The following RTL4 variants were observed in gnomAD, a reference collection of about 807,000 sequenced individuals.
RTL4 encodes the protein retrotransposon Gag-like protein 4.
Under a neutral mutation model 5.3 loss-of-function variants are expected in RTL4, and 4 were observed. The ratio of observed to expected loss-of-function variants is 0.75; its 90% confidence interval spans 0.37 to 1.72. The LOEUF (loss-of-function observed/expected upper bound fraction) is 1.72. Among genes scored for constraint, RTL4 ranks in the 40% most tolerant of loss-of-function variants. The pLI is 0.04. For missense variants in RTL4, 260 were observed against 227.1 expected, an observed-to-expected ratio of 1.14 and a Z score of -0.93; for synonymous variants, 98 against 87.3, an observed-to-expected ratio of 1.12 and a Z score of -0.68.
At chrX:112,298,721 A>G in the RTL4 span, among the ~76,000 whole-genome samples, 1 of 112,797 alleles carries the variant, frequency 8.9e-6, no homozygotes, top group East Asian at 2.8e-4. Context: ...CCCCAGTGAC[A>G]GTGTGCAAAC....
chrX:112,361,141 G>T, the RTL4 span, among the ~76,000 whole-genome samples: 2 of 110,967 alleles, frequency 1.8e-5, no homozygotes, highest in Non-Finnish European at 3.8e-5. Context: ...ATTTGCCTGA[G>T]AAGTTATTTT....
the RTL4 span, among the ~76,000 whole-genome samples, chrX:112,282,768 C>T: frequency 8.1e-5 from 9 of 110,788 alleles, no homozygotes; most frequent in Non-Finnish European, 1.5e-4. Context: ...ATTGTTTTCT[C>T]AATTTATTTT....
chrX:112,169,008 CTT>C, the RTL4 span, among the ~76,000 whole-genome samples: 1 of 74,736 alleles, frequency 1.3e-5, no homozygotes, highest in Non-Finnish European at 2.6e-5. Flanking sequence ...TCTTTCCTTT[CTT>C]TCTTTCTTTC....
chrX:112,328,707 T>G, the RTL4 span, among the ~76,000 whole-genome samples: 1 of 111,804 alleles, frequency 8.9e-6, no homozygotes, highest in South Asian at 3.8e-4. Context: ...GAATATACAT[T>G]TTTTTCAGCA....
the RTL4 span, among the ~76,000 whole-genome samples, chrX:112,196,732 G>T: frequency 4.5e-5 from 5 of 111,340 alleles, no homozygotes; most frequent in East Asian, 2.8e-4. Flanking sequence ...GATGACTAAT[G>T]ACATTAAACA....
the RTL4 span, among the ~76,000 whole-genome samples, chrX:112,281,082 T>C: frequency 3.6e-5 from 4 of 111,575 alleles, no homozygotes; most frequent in African/African-American, 1.3e-4. Context: ...ATTTTTATAA[T>C]AGATTTCTTA....
At chrX:112,123,726 A>G in the RTL4 span, among the ~76,000 whole-genome samples, 2 of 112,053 alleles carry the variant, frequency 1.8e-5, no homozygotes, top group Non-Finnish European at 3.8e-5. Flanking sequence ...GCCTTGTAGT[A>G]TAGCTTGAAG....
the RTL4 span, among the ~76,000 whole-genome samples, chrX:112,209,145 G>T: frequency 8.9e-6 from 1 of 112,171 alleles, no homozygotes; most frequent in Non-Finnish European, 1.9e-5. Flanking sequence ...CCTCTGCTGA[G>T]GTCATCCGTT....
chrX:112,443,298 G>A, the RTL4 span, among the ~76,000 whole-genome samples: 2 of 111,943 alleles, frequency 1.8e-5, no homozygotes, highest in African/African-American at 6.5e-5. Flanking sequence ...ACTCCATTGT[G>A]TATAAGTACC....
At chrX:112,449,564 T>TTCAG (rs1926698648), upstream of RTL4, among the ~76,000 whole-genome samples, 2 of 111,891 alleles carry the variant, frequency 1.8e-5, no homozygotes, top group South Asian at 7.5e-4. Flanking sequence ...GGAGATCAAA[T>TTCAG]TCAGACCCAC....
the RTL4 span, among the ~76,000 whole-genome samples, chrX:112,384,268 A>G: frequency 1.8e-5 from 2 of 112,422 alleles, no homozygotes; most frequent in East Asian, 2.8e-4. Flanking sequence ...TGTTTTAGCC[A>G]TGAAGTCTTT....
chrX:112,255,618 A>G, the RTL4 span, among the ~76,000 whole-genome samples: 1 of 111,699 alleles, frequency 9.0e-6, no homozygotes, highest in African/African-American at 3.3e-5. Flanking sequence ...TCACAGCCAA[A>G]TTGTTAGAAC....
the RTL4 span, among the ~76,000 whole-genome samples, chrX:112,390,257 A>G: frequency 5.3e-5 from 5 of 94,199 alleles, no homozygotes; most frequent in African/African-American, 1.9e-4. Flanking sequence ...GTTTGAGAGC[A>G]GCCTGGCCAA....
At chrX:112,279,113 C>A in the RTL4 span, among the ~76,000 whole-genome samples, 2 of 109,393 alleles carry the variant, frequency 1.8e-5, no homozygotes, top group African/African-American at 6.6e-5. Context: ...CTAGATAATA[C>A]AAAATTTAAA....
chrX:112,379,421 T>C, the RTL4 span, among the ~76,000 whole-genome samples: 1 of 112,468 alleles, frequency 8.9e-6, no homozygotes, highest in African/African-American at 3.2e-5. Context: ...GAGAAGATTT[T>C]CCCTCTATTT....
the RTL4 span, among the ~76,000 whole-genome samples, chrX:112,167,492 G>A: frequency 9.9e-5 from 11 of 111,143 alleles, no homozygotes; most frequent in South Asian, 3.4e-3. Flanking sequence ...TTTACTTTTT[G>A]CAGAAACCAC....
chrX:112,358,993 C>T, the RTL4 span, among the ~76,000 whole-genome samples: 1 of 111,472 alleles, frequency 9.0e-6, no homozygotes, highest in African/African-American at 3.3e-5. Flanking sequence ...ATCAGTGCAT[C>T]GTGGCTGGGA....
At chrX:112,404,436 T>C in the RTL4 span, among the ~76,000 whole-genome samples, 3 of 111,982 alleles carry the variant, frequency 2.7e-5, no homozygotes, top group Admixed American at 9.5e-5. Flanking sequence ...CTCAATATAT[T>C]CCACCTTCAC....
chrX:112,280,315 A>G, the RTL4 span, among the ~76,000 whole-genome samples: 1 of 111,179 alleles, frequency 9.0e-6, no homozygotes, highest in East Asian at 2.8e-4. Context: ...AACTACTGGA[A>G]GAGGAAGAAA....
Sources: gnomAD v4.1 joint callset for allele counts (sites outside exome capture counted in the v4.1 genomes callset) on GRCh38, gnomAD v4.1.1 for gene constraint, MANE v1.5 for transcripts, NCBI Gene and HGNC (gene_info 2026-07-23, HGNC 2026-07-21) for gene names.